FRK: variants seen among roughly 807,000 people sequenced by gnomAD.
FRK encodes the protein tyrosine-protein kinase FRK.
In FRK, 51 loss-of-function variants were observed where a neutral mutation model predicts 56.4. The observed-to-expected ratio is 0.90, with a 90% CI of 0.72 to 1.14. The LOEUF (loss-of-function observed/expected upper bound fraction) is 1.14, where lower values mean the gene tolerates loss of function less well. FRK is among the 50% of genes most tolerant of loss of function. FRK has a pLI of 0.00. For missense variants in FRK, 570 were observed against 601.4 expected (o/e 0.95, Z 0.55); for synonymous variants, 245 against 217.9 (o/e 1.12, Z -1.10).
intron 1 of FRK, among the ~76,000 whole-genome samples, chr6:116,012,776 G>A (rs1010105018): frequency 6.6e-6 from 1 of 152,180 alleles, no homozygotes; most frequent in African/African-American, 2.4e-5. Flanking sequence ...AGTATAAAGT[G>A]TTTATGGGAG....
At position 115,935,351 on chromosome 6, in the gene FRK, C is replaced by G. The variant is rs1406258938; in HGVS notation, c.*7063G>C. On this transcript the variant is annotated 3_prime_UTR_variant, in exon 8 of 8. Coordinates refer to ENST00000606080, the MANE Select transcript of FRK (RefSeq NM_002031.3). ...CTTTTCCCATGGTCTTTGAAACCTG[C>G]AGACCAGGAGATTCCCTCCGGTGCC... The G allele has an allele frequency of 6.6e-6, 1 of 152,516 alleles. No homozygotes were observed. The highest frequency in any genetic ancestry group is 1.5e-5 in the Non-Finnish European group (1 of 68,272). The allele number at this position is 152,516 out of a possible 1,614,324, so 9.4% of individuals were successfully genotyped here.
the FRK span, among the ~76,000 whole-genome samples, chr6:116,090,848 C>T: frequency 6.6e-6 from 1 of 152,170 alleles, no homozygotes; most frequent in Non-Finnish European, 1.5e-5. Context: ...TGAGTTTATC[C>T]ATATTGTATT....
At position 115,968,675 on chromosome 6, in the gene FRK, G is replaced by C. The variant is rs771160770; in HGVS notation, c.531C>G (p.Leu177=). Residue 177 remains leucine, a synonymous_variant, in exon 3 of 8, where the codon CTC becomes CTG. Transcript: ENST00000606080. ...GTGTTGAAAAGATTCTTCTTCGCGT[G>C]AGAAAAAATCCCCCTTCATCCAGTC... The part of the protein sequence containing the change: ...IKRLDEGGFF[L]TRRRIFSTLN... 3 of 1,613,770 alleles carry C rather than the reference G, an allele frequency of 1.9e-6. No homozygotes were observed. Among genetic ancestry groups the C allele is most frequent in the Non-Finnish European group, 2.5e-6 (3 of 1,179,790 alleles).
chr6:116,015,119 T>C (rs1562286594), intron 1 of FRK, among the ~76,000 whole-genome samples: 1 of 152,202 alleles, frequency 6.6e-6, no homozygotes, highest in Non-Finnish European at 1.5e-5. Context: ...CTTATTGATA[T>C]GGTTTGGCTC....
rs1282805652 is a variant in FRK, at chr6:115,940,886, T to C, written c.*1528A>G. On this transcript the variant is annotated 3_prime_UTR_variant, in exon 8 of 8. Coordinates refer to ENST00000606080, the MANE Select transcript of FRK (RefSeq NM_002031.3). The stretch of plus-strand genomic sequence containing the variant: ...GGAGAAATAGGAACACATTTACACT[T>C]TTACTCTGTTGGTGGGAGTATAAAT... 2.0e-5 allele frequency: 3 copies of C among 152,182 alleles called. No homozygotes were observed. The highest frequency in any genetic ancestry group is 4.4e-5 in the Non-Finnish European group (3 of 68,026). 9.4% of individuals were successfully genotyped at this position (152,182 alleles called of 1,614,324 possible).
At chr6:116,089,818 T>C in the FRK span, among the ~76,000 whole-genome samples, 3 of 152,184 alleles carry the variant, frequency 2.0e-5, no homozygotes, top group Admixed American at 6.5e-5. Context: ...CTTTAAAATA[T>C]GACTTTTGGA....
intron 1 of FRK, among the ~76,000 whole-genome samples, chr6:116,011,444 A>C (rs951302973): frequency 2.6e-5 from 4 of 152,124 alleles, no homozygotes; most frequent in African/African-American, 9.7e-5. Flanking sequence ...CAGATCCTAA[A>C]AAAATAAACT....
chr6:116,034,291 G>A (rs772704488), intron 1 of FRK, among the ~76,000 whole-genome samples: 1 of 152,106 alleles, frequency 6.6e-6, no homozygotes, highest in South Asian at 2.1e-4. Flanking sequence ...TGTTTGAGGT[G>A]ATGGATATCC....
chr6:116,001,959 G>A (rs144390148), intron 2 of FRK, among the ~76,000 whole-genome samples: 62 of 152,216 alleles, frequency 4.1e-4, no homozygotes, highest in African/African-American at 1.3e-3. Context: ...CAAAAATTGT[G>A]TTTTCTGTGT....
intron 1 of FRK, among the ~76,000 whole-genome samples, chr6:116,036,805 T>C (rs2114776240): frequency 6.6e-6 from 1 of 152,276 alleles, no homozygotes; most frequent in Middle Eastern, 3.4e-3. Flanking sequence ...TGTACAGATA[T>C]GTTGAGCAAA....
chr6:116,038,784 G>C, intron 1 of FRK: 2 of 496,966 alleles, frequency 4.0e-6, no homozygotes, highest in Non-Finnish European at 4.1e-6. Flanking sequence ...TTCGTTGGGG[G>C]GAACTGGAAG....
the FRK span, among the ~76,000 whole-genome samples, chr6:116,086,245 T>A: frequency 6.6e-6 from 1 of 152,192 alleles, no homozygotes; most frequent in Admixed American, 6.5e-5. Context: ...AAAGTACTAT[T>A]TTCCAACAGT....
intron 1 of FRK, among the ~76,000 whole-genome samples, chr6:116,018,803 C>A (rs1775754358): frequency 6.6e-6 from 1 of 151,814 alleles, no homozygotes; most frequent in South Asian, 2.1e-4. Context: ...TTTTTTTAAT[C>A]ATTGAAATAC....
chr6:116,021,808 T>C (rs1020116497), intron 1 of FRK, among the ~76,000 whole-genome samples: 1 of 151,406 alleles, frequency 6.6e-6, no homozygotes, highest in Non-Finnish European at 1.5e-5. Context: ...CTAGAAGACA[T>C]AGAAGGAAAG....
intron 1 of FRK, among the ~76,000 whole-genome samples, chr6:116,009,392 C>A (rs1775381493): frequency 6.6e-6 from 1 of 152,148 alleles, no homozygotes; most frequent in South Asian, 2.1e-4. Context: ...TTTATTAAGT[C>A]CCCCAGCTGA....
At chr6:115,955,061 A>G (rs77807855) in intron 5 of FRK, among the ~76,000 whole-genome samples, 10,807 of 152,228 alleles carry the variant, frequency 0.071, 550 homozygotes, top group Non-Finnish European at 0.11. Context: ...GTAAAGGGGG[A>G]ATAAAATTTG....
At chr6:116,032,296 C>T (rs781369009) in intron 1 of FRK, among the ~76,000 whole-genome samples, 24 of 151,866 alleles carry the variant, frequency 1.6e-4, no homozygotes, top group Non-Finnish European at 3.1e-4. Flanking sequence ...AACTGAAAAA[C>T]ATTATCTGCA....
intron 4 of FRK, 117 bp downstream of exon 4, chr6:115,967,434 A>T (rs9488815): frequency 0.017 from 16,526 of 953,614 alleles, 189 homozygotes; most frequent in South Asian, 0.022. Context: ...AGAGACAATG[A>T]CCACAACACC....
chr6:115,990,199 G>A (rs1409247086), intron 2 of FRK, among the ~76,000 whole-genome samples: 3 of 151,768 alleles, frequency 2.0e-5, no homozygotes, highest in African/African-American at 4.8e-5. Context: ...TGCATAATTT[G>A]TAAATATTTT....
Sources: allele counts gnomAD v4.1 joint callset (sites outside exome capture counted in the v4.1 genomes callset), GRCh38; gene constraint gnomAD v4.1.1; transcripts MANE v1.5; gene names NCBI Gene and HGNC (gene_info 2026-07-23, HGNC 2026-07-21).